The following FBXO5 variants were observed in gnomAD, a reference collection of about 807,000 sequenced individuals.
FBXO5 encodes the protein F-box protein 5, also known as F-box only protein 5.
In FBXO5, 8 loss-of-function variants were observed where a neutral mutation model predicts 43.3. The observed-to-expected ratio is 0.18, with a 90% CI of 0.11 to 0.33. The LOEUF is 0.33. FBXO5 is among the 10% of genes least tolerant of loss of function. FBXO5 has a pLI of 1.00. For missense variants in FBXO5, 491 were observed against 535.7 expected (o/e 0.92, Z 0.82); for synonymous variants, 204 against 193.7 (o/e 1.05, Z -0.44).
upstream of FBXO5, chr6:152,983,072 A>G (rs1314537661): frequency 6.9e-6 from 4 of 582,090 alleles, no homozygotes; most frequent in Non-Finnish European, 1.1e-5. Context: ...GTACTTTTAA[A>G]ATCTTTGAAT....
At chr6:152,978,291 C>T (rs147755097) in intron 1 of FBXO5, among the ~76,000 whole-genome samples, 3 of 144,934 alleles carry the variant, frequency 2.1e-5, no homozygotes, top group Non-Finnish European at 3.0e-5. Context: ...GGGCTTTGTA[C>T]ATCATGCCTT....
chr6:152,981,655 A>G (rs1170136646), intron 1 of FBXO5, among the ~76,000 whole-genome samples: 2 of 150,616 alleles, frequency 1.3e-5, no homozygotes, highest in East Asian at 3.9e-4. Flanking sequence ...AGAGTTATCA[A>G]AAAAGAAAAA....
intron 3 of FBXO5, 118 bp from the exon 4 acceptor site, chr6:152,972,572 C>G: frequency 6.8e-6 from 5 of 732,270 alleles, no homozygotes; most frequent in Non-Finnish European, 8.6e-6. Context: ...AGACTTATCC[C>G]TACATGCAAT....
intron 3 of FBXO5, 177 bp from the exon 4 acceptor site, chr6:152,972,631 C>T (rs1778104479): frequency 3.6e-6 from 2 of 551,338 alleles, no homozygotes; most frequent in Non-Finnish European, 6.4e-6. Context: ...TCACACATAT[C>T]AAGCCTAACT....
chr6:152,975,695 A>T (rs1212564965), intron 1 of FBXO5, 74 bp from the exon 2 acceptor site: 1 of 912,680 alleles, frequency 1.1e-6, no homozygotes, highest in Non-Finnish European at 1.7e-6. Flanking sequence ...ATTGGGATAT[A>T]CAAAGATTAC....
At chr6:152,979,924 G>C (rs1778235442) in intron 1 of FBXO5, among the ~76,000 whole-genome samples, 1 of 152,120 alleles carries the variant, frequency 6.6e-6, no homozygotes, top group African/African-American at 2.4e-5. Flanking sequence ...TTGGAAAAAG[G>C]TATTAAATGA....
Position 152,971,402 on chromosome 6 carries a change from A to T in FBXO5, c.1105T>A (p.Leu369Met). 6.3e-7 allele frequency: 1 copy of T among 1,593,050 alleles called. No homozygotes were observed. The highest frequency in any genetic ancestry group is 8.5e-7 in the Non-Finnish European group (1 of 1,174,106). The change falls in exon 5 of 5, where the codon TTG (leucine) becomes ATG (methionine). Residue 369 changes from leucine to methionine, a missense_variant. Physicochemically the swap from Leu to Met is conservative, Grantham distance 15 (BLOSUM62 2). Coordinates refer to ENST00000229758, the MANE Select transcript of FBXO5 (RefSeq NM_012177.5). ...GCTTTGAGGCTTTCGTTCTTTTTCAATGTCTTGGCAACCTAAAAAGAAAAA... is the reference window on the plus strand; with the variant it reads ...GCTTTGAGGCTTTCGTTCTTTTTCATTGTCTTGGCAACCTAAAAAGAAAAA... ...HNEFSEVAKT[L>M]KKNESLKACI...
chr6:152,982,463 C>T (rs1778277241), intron 1 of FBXO5, among the ~76,000 whole-genome samples: 1 of 152,064 alleles, frequency 6.6e-6, no homozygotes, highest in Admixed American at 6.5e-5. Flanking sequence ...GCTCGCAGCC[C>T]TGTCACCGCC....
rs1386867489 is a variant in FBXO5 at position 152,971,242 on chromosome 6, C to T, written c.1265G>A (p.Gly422Asp). 3.1e-6 allele frequency: 5 copies of T among 1,613,892 alleles called. No individual in the cohort carries two copies. The highest frequency in any genetic ancestry group is 4.2e-6 in the Non-Finnish European group (5 of 1,179,882). ...TTTACAACTGGCTTTGAGGAGCTTG[C>T]CATCTGAACAGTCTTTAGTAGTATG... ...NYHTTKDCSD[G>D]KLLKASCKIG... Residue 422 changes from glycine (G) to aspartate (D), a missense_variant, in exon 5 of 5, where the codon GGC becomes GAC. Transcript: ENST00000229758.
chr6:152,978,377 T>TTGGGGGG lies in FBXO5; in HGVS notation c.104-2757_104-2756insCCCCCCA, dbSNP rs1491205604. Among the ~76,000 whole-genome samples, 4 of 21,128 alleles carry TTGGGGGG rather than the reference T, an allele frequency of 1.9e-4. 1 individual carries two copies. Among genetic ancestry groups the TTGGGGGG allele is most frequent in the African/African-American group, 8.0e-4 (4 of 4,984 alleles). 13.9% of individuals were successfully genotyped at this position (21,128 alleles called of 152,430 possible). A position where few individuals can be genotyped will look rare whatever the true frequency, so the allele number is the denominator to read the frequency against. ...ATTAATCATGGAGAGCTTCATTTTTTGGGGGGGGGGGGGGGGCGGGGGACT... is the reference window on the plus strand; with the variant it reads ...ATTAATCATGGAGAGCTTCATTTTTTTGGGGGGGGGGGGGGGGGGGGGGCGGGGGACT... On this transcript the variant is annotated intron_variant, in intron 1 of 4. Coordinates refer to ENST00000229758, the MANE Select transcript of FBXO5 (RefSeq NM_012177.5).
rs1424379318 is a variant in FBXO5 at position 152,975,230 on chromosome 6, C to T, written c.495G>A (p.Leu165=). Residue 165 remains leucine, a synonymous_variant, in exon 2 of 5, where the codon CTG becomes CTA. Coordinates refer to ENST00000229758, the MANE Select transcript of FBXO5 (RefSeq NM_012177.5). ...GTAGACTGTCACCGAAATTCTCCTC[C>T]AGGAGGCTACCTTCTTCATGTTCAC... ...GLSEHEEGSL[L]EENFGDSLQS... 6.2e-7 allele frequency: 1 copy of T among 1,614,108 alleles called. No individual in the cohort carries two copies. Among genetic ancestry groups the T allele is most frequent in the Admixed American group, 1.7e-5 (1 of 60,022 alleles).
intron 1 of FBXO5, among the ~76,000 whole-genome samples, chr6:152,978,521 G>A (rs1778210966): frequency 6.6e-6 from 1 of 151,834 alleles, no homozygotes; most frequent in South Asian, 2.1e-4. Context: ...CCAAGCAAAT[G>A]GCAGTGCCTG....
rs946441626 is a variant in FBXO5, at chr6:152,971,277, G to A, written c.1230C>T (p.Leu410=). The A allele has an allele frequency of 3.1e-6, 5 of 1,614,020 alleles. No individual in the cohort carries two copies. The highest frequency in any genetic ancestry group is 1.1e-5 in the South Asian group (1 of 91,072). ...AGTCTTTAGTAGTATGATAATTACAGAGACACTTCGTACAATAATCAAATC... is the reference window on the plus strand; with the variant it reads ...AGTCTTTAGTAGTATGATAATTACAAAGACACTTCGTACAATAATCAAATC... The part of the protein sequence containing the change: ...GCGFDYCTKC[L]CNYHTTKDCS... Residue 410 remains leucine, a synonymous_variant, in exon 5 of 5, where the codon CTC becomes CTT. Transcript: ENST00000229758.
chr6:152,982,867 T>C lies in FBXO5; in HGVS notation c.93A>G (p.Arg31=). ...PSAVTAAGRP[R]PSDSCKEESS... is the part of the protein sequence containing the mutation. ...GCTCCCCTCACTCACTATCCGAGGG[T>C]CGAGGGCGCCCGGCGGCTGTCACTG... The change falls in exon 1 of 5, where the codon CGA becomes CGG. Residue 31 remains arginine, a synonymous_variant. Coordinates refer to ENST00000229758, the MANE Select transcript of FBXO5 (RefSeq NM_012177.5). 1.3e-6 allele frequency: 2 copies of C among 1,509,960 alleles called. No homozygotes were observed. The highest frequency in any genetic ancestry group is 1.8e-6 in the Non-Finnish European group (2 of 1,135,898). The allele number at this position is 1,509,960 out of a possible 1,614,324, so 93.5% of individuals were successfully genotyped here. A position where few individuals can be genotyped will look rare whatever the true frequency, so the allele number is the denominator to read the frequency against.
At chr6:152,981,781 A>G (rs911581280) in intron 1 of FBXO5, among the ~76,000 whole-genome samples, 3 of 152,166 alleles carry the variant, frequency 2.0e-5, no homozygotes, top group Non-Finnish European at 1.5e-5. Flanking sequence ...TTTTTTCTAG[A>G]GTTCTTTTTT....
chr6:152,981,149 G>A (rs1001727724), intron 1 of FBXO5, among the ~76,000 whole-genome samples: 6 of 152,182 alleles, frequency 3.9e-5, no homozygotes, highest in African/African-American at 1.4e-4. Context: ...CTAGCTTTGT[G>A]AACTTGGAAT....
chr6:152,973,058 T>C lies in FBXO5; in HGVS notation c.897A>G (p.Ile299Met), dbSNP rs1349636627. The C allele has an allele frequency of 1.2e-6, 2 of 1,613,656 alleles. No homozygotes were observed. Among genetic ancestry groups the C allele is most frequent in the East Asian group, 4.5e-5 (2 of 44,816 alleles). Residue 299 changes from isoleucine (I) to methionine (M), a missense_variant, in exon 3 of 5, where the codon ATA (isoleucine) becomes ATG (methionine). Ile to Met is a conservative substitution (Grantham distance 10, BLOSUM62 1). Coordinates refer to ENST00000229758, the MANE Select transcript of FBXO5 (RefSeq NM_012177.5). ...TGCAAACACTTACGGTAACTCTTTG[T>C]ATTGCTTTACTGTACAACTGGAATG... ...KGAFQLYSKAIQRVTENNNKF... is the reference protein window; with the variant it reads ...KGAFQLYSKAMQRVTENNNKF...
At chr6:152,978,780 G>A (rs2129094282) in intron 1 of FBXO5, among the ~76,000 whole-genome samples, 1 of 152,052 alleles carries the variant, frequency 6.6e-6, no homozygotes, top group Admixed American at 6.5e-5. Flanking sequence ...TTGAGCTCAG[G>A]AGTTCAGACC....
chr6:152,975,425 A>T lies in FBXO5; in HGVS notation c.300T>A (p.Ile100=). The change falls in exon 2 of 5, where the codon ATT becomes ATA. Residue 100 remains isoleucine (I), a synonymous_variant. Coordinates refer to ENST00000229758, the MANE Select transcript of FBXO5 (RefSeq NM_012177.5). ...YERLSCIGSP[I]VSPRIVQLET... ...CAAGTTGTACAATCCTAGGGCTCAC[A>T]ATCGGTGACCCAATACATGACAGCC... 1 of 1,613,936 alleles carries T rather than the reference A, an allele frequency of 6.2e-7. No individual in the cohort carries two copies. Among genetic ancestry groups the T allele is most frequent in the Non-Finnish European group, 8.5e-7 (1 of 1,179,970 alleles).
Sources: gnomAD v4.1 joint callset for allele counts (sites outside exome capture counted in the v4.1 genomes callset) on GRCh38, gnomAD v4.1.1 for gene constraint, MANE v1.5 for transcripts, NCBI Gene and HGNC (gene_info 2026-07-23, HGNC 2026-07-21) for gene names.